The following TMC1 variants were observed in gnomAD, a reference collection of about 807,000 sequenced individuals.
The protein encoded by TMC1 is transmembrane channel like 1.
In TMC1, 84 loss-of-function variants were observed where a neutral mutation model predicts 105.8. The ratio of observed to expected loss-of-function variants is 0.79; its 90% CI spans 0.67 to 0.95. TMC1 has a LOEUF of 0.95. TMC1 is among the 40% of genes least tolerant of loss of function. The pLI, the probability that TMC1 is intolerant of heterozygous loss-of-function variation, is 0.00. For missense variants in TMC1, 817 were observed against 914.1 expected (o/e 0.89, Z 1.37); for synonymous variants, 315 against 311.5 (o/e 1.01, Z -0.12).
At chr9:72,610,487 T>C (rs1031465440) in intron 2 of TMC1, among the ~76,000 whole-genome samples, 3 of 152,168 alleles carry the variant, frequency 2.0e-5, no homozygotes, top group Non-Finnish European at 4.4e-5. Context: ...AAGAAGCCAA[T>C]GTTTCAGTTA....
At chr9:72,656,931 A>C (rs1327491453) in intron 5 of TMC1, among the ~76,000 whole-genome samples, 1 of 152,214 alleles carries the variant, frequency 6.6e-6, no homozygotes, top group Non-Finnish European at 1.5e-5. Flanking sequence ...TCTGTGAGAT[A>C]GGAGGTCTTT....
intron 8 of TMC1, among the ~76,000 whole-genome samples, chr9:72,706,326 T>G (rs1398326641): frequency 6.6e-6 from 1 of 152,220 alleles, no homozygotes; most frequent in Non-Finnish European, 1.5e-5. Context: ...AAGAGGACAT[T>G]TAAGCGTGTG....
chr9:72,641,179 C>T (rs151094377), intron 4 of TMC1, among the ~76,000 whole-genome samples: 3,927 of 152,266 alleles, frequency 0.026, 82 homozygotes, highest in Non-Finnish European at 0.039. Context: ...CTGAAACCTC[C>T]GCCTCCTGGG....
intron 4 of TMC1, among the ~76,000 whole-genome samples, chr9:72,631,684 A>G (rs1004229303): frequency 1.3e-5 from 2 of 152,234 alleles, no homozygotes; most frequent in Non-Finnish European, 2.9e-5. Context: ...TGAGGGGGGA[A>G]GCAGAGAGAG....
intron 21 of TMC1, among the ~76,000 whole-genome samples, chr9:72,829,549 G>C (rs1468841374): frequency 6.6e-6 from 1 of 152,040 alleles, no homozygotes; most frequent in Admixed American, 6.6e-5. Context: ...TTTCATGCCA[G>C]ATATTGCCCT....
intron 5 of TMC1, among the ~76,000 whole-genome samples, chr9:72,682,531 A>G (rs1826305114): frequency 6.6e-6 from 1 of 152,216 alleles, no homozygotes; most frequent in Admixed American, 6.5e-5. Flanking sequence ...AAATGGCACG[A>G]GCTTCTTTTT....
At chr9:72,745,239 AT>A (rs1827470015) in intron 10 of TMC1, among the ~76,000 whole-genome samples, 1 of 152,304 alleles carries the variant, frequency 6.6e-6, no homozygotes, top group African/African-American at 2.4e-5. Context: ...CAATGTGCAC[AT>A]TAACCTTCCT....
At chr9:72,806,330 G>A (rs1021189227) in intron 18 of TMC1, among the ~76,000 whole-genome samples, 1 of 148,388 alleles carries the variant, frequency 6.7e-6, no homozygotes, top group African/African-American at 2.5e-5. Context: ...CCTGGACGGG[G>A]CGGCTGGCCG....
intron 23 of TMC1, among the ~76,000 whole-genome samples, chr9:72,831,532 C>T (rs970505155): frequency 1.3e-5 from 2 of 152,082 alleles, no homozygotes; most frequent in Non-Finnish European, 2.9e-5. Context: ...TGGTGTGCTG[C>T]ACCCATTAAC....
chr9:72,579,219 C>G (rs919278991), intron 2 of TMC1, among the ~76,000 whole-genome samples: 1 of 152,138 alleles, frequency 6.6e-6, no homozygotes, highest in African/African-American at 2.4e-5. Flanking sequence ...TAATATACTC[C>G]CCTTTCTTAT....
chr9:72,618,519 G>A (rs1825184920), intron 3 of TMC1, among the ~76,000 whole-genome samples: 2 of 152,094 alleles, frequency 1.3e-5, no homozygotes, highest in African/African-American at 4.8e-5. Context: ...ATACTGATGT[G>A]ACTGTGCATC....
chr9:72,756,859 A>T (rs1398095865), intron 12 of TMC1, among the ~76,000 whole-genome samples: 1 of 152,152 alleles, frequency 6.6e-6, no homozygotes, highest in Admixed American at 6.6e-5. Flanking sequence ...CAAACAGAAA[A>T]GTTGCTGTAA....
rs369003075 is a variant in TMC1 at position 72,746,222 on chromosome 9, C to T, written c.535+3697C>T. Among the ~76,000 whole-genome samples, 10 of 152,270 alleles carry T rather than the reference C, an allele frequency of 6.6e-5. No homozygotes were observed. In the East Asian group the frequency reaches 1.2e-3, roughly 18 times the overall value. On this transcript the variant is annotated intron_variant, in intron 10 of 23. Coordinates refer to ENST00000297784, the MANE Select transcript of TMC1 (RefSeq NM_138691.3). ...GAAGTATCATTGTATTCCATTTCGA[C>T]ATCAGAATCATCTAATATATATCTT...
intron 11 of TMC1, among the ~76,000 whole-genome samples, chr9:72,754,039 A>G (rs1827631061): frequency 6.6e-6 from 1 of 152,146 alleles, no homozygotes; most frequent in Non-Finnish European, 1.5e-5. Flanking sequence ...AGCCATATTC[A>G]TCTTCTGTTC....
chr9:72,609,228 C>A (rs1824982135), intron 2 of TMC1, among the ~76,000 whole-genome samples: 1 of 142,170 alleles, frequency 7.0e-6, no homozygotes, highest in Non-Finnish European at 1.5e-5. Context: ...TTCCTTCCTT[C>A]CTTTTTGCTA....
chr9:72,616,211 C>T (rs559503863), intron 2 of TMC1, 157 bp from the exon 3 acceptor site: 42 of 152,332 alleles, frequency 2.8e-4, no homozygotes, highest in African/African-American at 9.1e-4. Context: ...AATGCCGTCT[C>T]TTCACATTAT....
In TMC1 at chr9:72,700,535, A is replaced by G; in HGVS notation, c.254A>G (p.Asp85Gly). The G allele has an allele frequency of 6.3e-7, 1 of 1,598,256 alleles. No homozygotes were observed. Among genetic ancestry groups the G allele is most frequent in the Non-Finnish European group, 8.6e-7 (1 of 1,169,500 alleles). The change falls in exon 8 of 24, where the codon GAT becomes GGT. Residue 85 changes from aspartate (D) to glycine (G), a missense_variant. Asp to Gly is a moderately conservative substitution (Grantham distance 94, BLOSUM62 -1). Coordinates refer to ENST00000297784, the MANE Select transcript of TMC1 (RefSeq NM_138691.3). ...LKRGAEEEEI[D>G]EEELERLKAE... ...TTTTAAAGAGAAGAAGAAGAAATTGATGAAGAGGAATTGGAAAGATTGAAG... is the reference window on the plus strand; with the variant it reads ...TTTTAAAGAGAAGAAGAAGAAATTGGTGAAGAGGAATTGGAAAGATTGAAG...
At chr9:72,711,537 T>G (rs374136225) in intron 8 of TMC1, among the ~76,000 whole-genome samples, 1 of 152,362 alleles carries the variant, frequency 6.6e-6, no homozygotes, top group East Asian at 1.9e-4. Context: ...AGCCTTTTTT[T>G]CATATGTTGG....
At chr9:72,594,252 A>G (rs1824684617) in intron 2 of TMC1, among the ~76,000 whole-genome samples, 1 of 152,208 alleles carries the variant, frequency 6.6e-6, no homozygotes, top group African/African-American at 2.4e-5. Context: ...CAGAGAAACC[A>G]TAAATTCATG....
Sources: gnomAD v4.1 joint callset for allele counts (sites outside exome capture counted in the v4.1 genomes callset) on GRCh38, gnomAD v4.1.1 for gene constraint, MANE v1.5 for transcripts, NCBI Gene and HGNC (gene_info 2026-07-23, HGNC 2026-07-21) for gene names.